ADAM22: variants seen among roughly 807,000 people sequenced by gnomAD.
ADAM22 encodes disintegrin and metalloproteinase domain-containing protein 22.
In ADAM22, 65 loss-of-function variants were observed where a neutral mutation model predicts 144.6. The ratio of observed to expected loss-of-function variants is 0.45; its 90% CI spans 0.37 to 0.55. The LOEUF (loss-of-function observed/expected upper bound fraction) is 0.55. ADAM22 is among the 20% of genes least tolerant of loss of function. The pLI, the probability that ADAM22 is intolerant of heterozygous loss-of-function variation, is 0.00. For missense variants in ADAM22, 974 were observed against 1,184.9 expected (o/e 0.82, Z 2.61); for synonymous variants, 391 against 412.6 (o/e 0.95, Z 0.63).
chr7:88,194,508 C>A (rs1850278317), intron 31 of ADAM22, among the ~76,000 whole-genome samples: 1 of 152,134 alleles, frequency 6.6e-6, no homozygotes, highest in Non-Finnish European at 1.5e-5. Context: ...GTGGAACAAG[C>A]AGATCTTCCT....
chr7:88,069,771 A>G (rs1175038050), intron 3 of ADAM22, among the ~76,000 whole-genome samples: 2 of 152,188 alleles, frequency 1.3e-5, no homozygotes, highest in Admixed American at 6.5e-5. Flanking sequence ...AACCTGAAAT[A>G]CAGGGTGGAT....
At chr7:88,020,888 G>A (rs1459922347) in intron 3 of ADAM22, among the ~76,000 whole-genome samples, 1 of 152,100 alleles carries the variant, frequency 6.6e-6, no homozygotes, top group African/African-American at 2.4e-5. Flanking sequence ...CCCTAGTTGG[G>A]GATGAGGAGA....
chr7:88,130,592 G>C (rs918386343), intron 10 of ADAM22, 133 bp downstream of exon 10: 2 of 781,080 alleles, frequency 2.6e-6, no homozygotes, highest in African/African-American at 3.6e-5. Context: ...TAAGTTCCGG[G>C]TGACCTTGCA....
intron 7 of ADAM22, among the ~76,000 whole-genome samples, chr7:88,123,781 T>A (rs1478607113): frequency 1.3e-5 from 2 of 151,982 alleles, no homozygotes; most frequent in Non-Finnish European, 2.9e-5. Flanking sequence ...CTTACCTGCA[T>A]CCCTTGTATT....
chr7:88,010,424 T>A (rs987015015), intron 3 of ADAM22, among the ~76,000 whole-genome samples: 10 of 152,140 alleles, frequency 6.6e-5, no homozygotes, highest in African/African-American at 2.4e-4. Context: ...AGCCTAAAGG[T>A]CGCCTGGATT....
At chr7:88,107,370 T>A (rs1433333509) in intron 4 of ADAM22, among the ~76,000 whole-genome samples, 1 of 149,664 alleles carries the variant, frequency 6.7e-6, no homozygotes, top group Non-Finnish European at 1.5e-5. Flanking sequence ...TCCAGCTAAT[T>A]TTGTATTTTT....
At chr7:88,166,694 A>C (rs542063969) in intron 24 of ADAM22, among the ~76,000 whole-genome samples, 40 of 152,328 alleles carry the variant, frequency 2.6e-4, no homozygotes, top group African/African-American at 9.1e-4. Context: ...AGTTTTAGCT[A>C]ATATGACTTT....
intron 21 of ADAM22, among the ~76,000 whole-genome samples, chr7:88,155,198 A>G (rs1306911816): frequency 6.6e-6 from 1 of 152,114 alleles, no homozygotes; most frequent in Non-Finnish European, 1.5e-5. Flanking sequence ...TTCCAAAAGA[A>G]TGCTCATCCA....
intron 14 of ADAM22, among the ~76,000 whole-genome samples, chr7:88,141,536 T>G (rs1834647685): frequency 6.6e-6 from 1 of 152,138 alleles, no homozygotes; most frequent in Admixed American, 6.6e-5. Context: ...TTACCTTGTT[T>G]TTTTTCCCTT....
intron 8 of ADAM22, among the ~76,000 whole-genome samples, chr7:88,128,003 C>G (rs997490104): frequency 2.0e-5 from 3 of 151,930 alleles, no homozygotes; most frequent in African/African-American, 4.8e-5. Flanking sequence ...TGGGAGTTCT[C>G]AAAGCTATTC....
At chr7:88,161,955 G>A (rs1008036198) in intron 22 of ADAM22, among the ~76,000 whole-genome samples, 1 of 151,936 alleles carries the variant, frequency 6.6e-6, no homozygotes, top group African/African-American at 2.4e-5. Flanking sequence ...CTATTACTGG[G>A]TATAAACCCA....
chr7:88,053,634 A>AAGAAAG (rs1554432333), intron 3 of ADAM22, among the ~76,000 whole-genome samples: 3,769 of 96,546 alleles, frequency 0.039, 112 homozygotes, highest in South Asian at 0.075. Flanking sequence ...GAAAGAAAGA[A>AAGAAAG]AGAAAGAAAG....
At chr7:88,145,575 T>A in intron 17 of ADAM22, 68 bp downstream of exon 17, 1 of 1,265,558 alleles carries the variant, frequency 7.9e-7, no homozygotes, top group Non-Finnish European at 1.1e-6. Context: ...TAAGGCTGGG[T>A]AAATATAATC....
intron 8 of ADAM22, among the ~76,000 whole-genome samples, chr7:88,126,377 A>G (rs562393867): frequency 2.0e-5 from 3 of 152,156 alleles, no homozygotes; most frequent in African/African-American, 7.2e-5. Context: ...AAAACACAAG[A>G]TGAAGGGAAT....
chr7:88,135,937 G>C (rs1480708933), intron 13 of ADAM22, 43 bp from the exon 14 acceptor site: 1 of 1,554,188 alleles, frequency 6.4e-7, no homozygotes, highest in African/African-American at 1.4e-5. Flanking sequence ...TAATGCAACT[G>C]TGTTCACTTT....
At chr7:88,169,479 C>CT (rs991916232) in intron 25 of ADAM22, among the ~76,000 whole-genome samples, 4 of 152,142 alleles carry the variant, frequency 2.6e-5, no homozygotes, top group African/African-American at 9.6e-5. Context: ...ATTGCTCTCC[C>CT]TTTTCAGCTA....
intron 4 of ADAM22, among the ~76,000 whole-genome samples, chr7:88,081,052 G>C (rs953335355): frequency 2.0e-5 from 3 of 152,144 alleles, no homozygotes; most frequent in Admixed American, 2.0e-4. Context: ...GAGAATTTTA[G>C]ATCAATAACC....
intron 5 of ADAM22, among the ~76,000 whole-genome samples, chr7:88,111,828 A>G (rs1490697109): frequency 6.6e-6 from 1 of 152,216 alleles, no homozygotes; most frequent in Non-Finnish European, 1.5e-5. Flanking sequence ...TAATAATGGC[A>G]TATTATCATA....
intron 14 of ADAM22, among the ~76,000 whole-genome samples, chr7:88,137,279 C>CATTAAA (rs1833227598): frequency 6.6e-6 from 1 of 152,192 alleles, no homozygotes; most frequent in Non-Finnish European, 1.5e-5. Context: ...CATTCTCCTG[C>CATTAAA]TGAGAAATTG....
Sources: allele counts gnomAD v4.1 joint callset (sites outside exome capture counted in the v4.1 genomes callset), GRCh38; gene constraint gnomAD v4.1.1; transcripts MANE v1.5; gene names NCBI Gene and HGNC (gene_info 2026-07-23, HGNC 2026-07-21).